The following GNAQ variants were observed in gnomAD, a reference collection of about 807,000 sequenced individuals.
The protein encoded by GNAQ is guanine nucleotide-binding protein G(q) subunit alpha.
In GNAQ, 8 loss-of-function variants were observed where a neutral mutation model predicts 43.9. The observed-to-expected ratio is 0.18, with a 90% CI of 0.11 to 0.33. The LOEUF (loss-of-function observed/expected upper bound fraction) is 0.33. Ranked by LOEUF, GNAQ falls within the 10% of genes least tolerant of loss-of-function variation. The pLI, the probability that GNAQ is intolerant of heterozygous loss-of-function variation, is 1.00. For missense variants in GNAQ, 158 were observed against 450.8 expected (o/e 0.35, Z 5.88); for synonymous variants, 155 against 170.7 (o/e 0.91, Z 0.71).
chr9:78,009,620 A>G (rs1218509706), intron 1 of GNAQ, among the ~76,000 whole-genome samples: 1 of 152,256 alleles, frequency 6.6e-6, no homozygotes, highest in Non-Finnish European at 1.5e-5. Flanking sequence ...CTTTACTGAC[A>G]GTATTAACAA....
At chr9:77,790,212 A>G (rs752597628) in intron 5 of GNAQ, among the ~76,000 whole-genome samples, 1 of 152,192 alleles carries the variant, frequency 6.6e-6, no homozygotes, top group South Asian at 2.1e-4. Flanking sequence ...TCTTAACCTA[A>G]GCTTTTACTT....
chr9:77,740,055 A>G (rs1825630359), intron 5 of GNAQ, among the ~76,000 whole-genome samples: 1 of 152,238 alleles, frequency 6.6e-6, no homozygotes, highest in Non-Finnish European at 1.5e-5. Context: ...TGGGGGAAAT[A>G]GGATGAAATA....
chr9:77,930,736 T>C (rs1361893679), intron 1 of GNAQ, among the ~76,000 whole-genome samples: 3 of 152,114 alleles, frequency 2.0e-5, no homozygotes, highest in African/African-American at 4.8e-5. Flanking sequence ...TTGGCCTCAA[T>C]AGGAAATTTT....
intron 2 of GNAQ, among the ~76,000 whole-genome samples, chr9:77,887,062 T>C (rs1334414932): frequency 6.6e-6 from 1 of 152,038 alleles, no homozygotes; most frequent in Admixed American, 6.5e-5. Context: ...GTGGAAGTTG[T>C]AGTGAGCCAA....
chr9:77,920,978 C>A (rs973695807), intron 2 of GNAQ, among the ~76,000 whole-genome samples: 1 of 152,172 alleles, frequency 6.6e-6, no homozygotes, highest in African/African-American at 2.4e-5. Flanking sequence ...ATGAGTCCCA[C>A]TGGACATTGC....
chr9:77,935,642 C>T (rs545184165), intron 1 of GNAQ, among the ~76,000 whole-genome samples: 7 of 152,234 alleles, frequency 4.6e-5, no homozygotes, highest in East Asian at 3.9e-4. Context: ...AAAAGACAGG[C>T]GCAACATCTG....
chr9:77,993,724 C>CT (rs996885550), intron 1 of GNAQ, among the ~76,000 whole-genome samples: 11 of 151,660 alleles, frequency 7.3e-5, no homozygotes, highest in African/African-American at 2.7e-4. Flanking sequence ...AAAAAAGGTG[C>CT]AGCTAAATTA....
intron 1 of GNAQ, among the ~76,000 whole-genome samples, chr9:77,961,013 C>T (rs1189209294): frequency 6.6e-6 from 1 of 152,126 alleles, no homozygotes; most frequent in Non-Finnish European, 1.5e-5. Flanking sequence ...TTCCAACAAA[C>T]AGAACAGTTC....
intron 2 of GNAQ, among the ~76,000 whole-genome samples, chr9:77,817,084 T>C (rs947861740): frequency 1.3e-5 from 2 of 152,182 alleles, no homozygotes; most frequent in Non-Finnish European, 2.9e-5. Flanking sequence ...AGTCCCTGTG[T>C]AGGCAATCTT....
At chr9:77,725,702 C>A (rs996154160) in intron 6 of GNAQ, among the ~76,000 whole-genome samples, 1 of 150,704 alleles carries the variant, frequency 6.6e-6, no homozygotes, top group Admixed American at 6.6e-5. Context: ...AAAGGAGGTA[C>A]GTGAAGAGAT....
chr9:77,718,605 T>C lies in GNAQ; in HGVS notation c.*2718A>G, dbSNP rs1441481362. The C allele has an allele frequency of 8.6e-6, 2 of 232,880 alleles. No individual in the cohort carries two copies. Among genetic ancestry groups the C allele is most frequent in the Non-Finnish European group, 1.7e-5 (2 of 117,862 alleles). 14.4% of individuals were successfully genotyped at this position (232,880 alleles called of 1,614,324 possible). A position where few individuals can be genotyped will look rare whatever the true frequency, so the allele number is the denominator to read the frequency against. On this transcript the variant is annotated 3_prime_UTR_variant, in exon 7 of 7. Transcript: ENST00000286548. Reference sequence around the variant, plus strand: ...TTCAAGCTTTGAGATCAGGTTTAATTGACTACATTTACTATAGCTCTATTA... The same window carrying C: ...TTCAAGCTTTGAGATCAGGTTTAATCGACTACATTTACTATAGCTCTATTA...
intron 6 of GNAQ, among the ~76,000 whole-genome samples, chr9:77,722,653 C>CT (rs36194112): frequency 1.3e-3 from 149 of 115,760 alleles, no homozygotes; most frequent in East Asian, 2.2e-3. Context: ...TATCTAAGGA[C>CT]TTTTTTTTTT....
At chr9:77,724,809 G>C (rs1825372083) in intron 6 of GNAQ, among the ~76,000 whole-genome samples, 1 of 151,918 alleles carries the variant, frequency 6.6e-6, no homozygotes, top group South Asian at 2.1e-4. Context: ...ATGACTAAGA[G>C]GGCTGGCATC....
intron 1 of GNAQ, among the ~76,000 whole-genome samples, chr9:77,934,630 T>C: frequency 6.6e-6 from 1 of 152,160 alleles, no homozygotes; most frequent in East Asian, 1.9e-4. Context: ...ATCCCAGTAA[T>C]TTCAAATAAT....
intron 1 of GNAQ, among the ~76,000 whole-genome samples, chr9:77,968,186 A>G (rs562424675): frequency 6.6e-6 from 1 of 152,328 alleles, no homozygotes; most frequent in South Asian, 2.1e-4. Flanking sequence ...GGTGAATTTT[A>G]TATTATGTAA....
At chr9:77,797,889 G>T (rs1311214452) in intron 3 of GNAQ, among the ~76,000 whole-genome samples, 1 of 152,058 alleles carries the variant, frequency 6.6e-6, no homozygotes, top group Non-Finnish European at 1.5e-5. Context: ...TTATCAATTA[G>T]AACTCATACT....
chr9:77,785,032 G>A (rs766390882), intron 5 of GNAQ, among the ~76,000 whole-genome samples: 6 of 152,172 alleles, frequency 3.9e-5, no homozygotes, highest in Admixed American at 6.5e-5. Flanking sequence ...CAGTGTCATT[G>A]GGCTGAATAG....
At chr9:77,740,003 C>G (rs145927001) in intron 5 of GNAQ, among the ~76,000 whole-genome samples, 1 of 152,332 alleles carries the variant, frequency 6.6e-6, no homozygotes, top group African/African-American at 2.4e-5. Context: ...CAGACAGAAT[C>G]TGAACAAATT....
rs1827001896 is a variant in GNAQ at position 77,815,715 on chromosome 9, T to G, written c.377A>C (p.Asn126Thr). The G allele has an allele frequency of 2.5e-6, 4 of 1,605,888 alleles. No homozygotes were observed. In the East Asian group the frequency reaches 8.9e-5, roughly 36 times the overall value. ...VDVEKVSAFE[N>T]PYVDAIKSLW... ...ACTCTTTATTGCATCTACATATGGA[T>G]TCTCAAAAGCAGACACCTTCTCCAC... The change falls in exon 3 of 7, where the codon AAT (asparagine) becomes ACT (threonine). Residue 126 changes from asparagine to threonine, a missense_variant. Physicochemically the swap from Asn to Thr is moderately conservative, Grantham distance 65. Transcript: ENST00000286548.
Sources: allele counts gnomAD v4.1 joint callset (sites outside exome capture counted in the v4.1 genomes callset), GRCh38; gene constraint gnomAD v4.1.1; transcripts MANE v1.5; gene names NCBI Gene and HGNC (gene_info 2026-07-23, HGNC 2026-07-21).